The following PHKG1 variants were observed in gnomAD, a reference collection of about 807,000 sequenced individuals.
PHKG1 encodes phosphorylase b kinase gamma catalytic chain, skeletal muscle/heart isoform.
Under a neutral mutation model 50.5 loss-of-function variants are expected in PHKG1, and 48 were observed. That is an observed-to-expected ratio of 0.95 (90% CI 0.75 to 1.21). The LOEUF is 1.21. Among genes scored for constraint, PHKG1 ranks in the 50% most tolerant of loss-of-function variants. PHKG1 has a pLI of 0.00. For synonymous variants in PHKG1, 204 were observed against 212.8 expected, an observed-to-expected ratio of 0.96 and a Z score of 0.36; for missense variants, 487 against 519.5, an observed-to-expected ratio of 0.94 and a Z score of 0.61.
Position 56,081,087 on chromosome 7 carries a change from G to A in PHKG1, c.1131C>T (p.Ala377=), listed in dbSNP as rs369367841. Residue 377 remains alanine (A), a synonymous_variant, in exon 10 of 10, where the codon GCC becomes GCT. Transcript: ENST00000297373. The surrounding 1 kb of genome is among the most constrained non-coding windows in gnomAD (Gnocchi z 4.6). ...RAALFENTPK[A]VLLSLAEEDY is the part of the protein sequence containing the mutation. ...CCTCCTCGGCCAGGGAGAGGAGCAC[G>A]GCCTTGGGTGTGTTCTCGAAAAGGG... The A allele has an allele frequency of 2.4e-5, 39 of 1,612,846 alleles. No homozygotes were observed. The highest frequency in any genetic ancestry group is 1.9e-4 in the African/African-American group (14 of 74,894).
At position 56,081,169 on chromosome 7, in the gene PHKG1, T is replaced by C. The variant is rs778344494; in HGVS notation, c.1049A>G (p.Tyr350Cys). ...LRPLRRLIDAYAFRIYGHWVK... is the reference protein window; with the variant it reads ...LRPLRRLIDACAFRIYGHWVK... ...CCAGTGGCCATAGATTCGGAAAGCG[T>C]AGGCGTCGATGAGCCGGCGCAGAGG... The change falls in exon 10 of 10, where the codon TAC becomes TGC. Residue 350 changes from tyrosine (Y) to cysteine (C), a missense_variant. By Grantham distance (194) the Tyr-to-Cys change is radical. Transcript: ENST00000297373. This position sits in a 1 kb window ranked among gnomAD's most constrained non-coding sequence, Gnocchi z 4.6. 6.2e-7 allele frequency: 1 copy of C among 1,613,750 alleles called. No individual in the cohort carries two copies. Among genetic ancestry groups the C allele is most frequent in the East Asian group, 2.2e-5 (1 of 44,866 alleles).
chr7:56,084,014 C>T (rs965100006), intron 4 of PHKG1: 1 of 624,020 alleles, frequency 1.6e-6, no homozygotes, highest in African/African-American at 1.8e-5. Context: ...AAAATTTTTC[C>T]CACCATTTCA....
chr7:56,081,581 G>A lies in PHKG1; in HGVS notation c.918+49C>T. 3.7e-6 allele frequency: 6 copies of A among 1,603,338 alleles called. No individual in the cohort carries two copies. The highest frequency in any genetic ancestry group is 5.1e-6 in the Non-Finnish European group (6 of 1,173,244). On this transcript the variant is annotated intron_variant, in intron 9 of 9. Coordinates refer to ENST00000297373, the MANE Select transcript of PHKG1 (RefSeq NM_006213.5). The surrounding 1 kb of genome is among the most constrained non-coding windows in gnomAD (Gnocchi z 4.6). The stretch of plus-strand genomic sequence containing the variant: ...GACTCCTGGGAGAGGAGGGGGCTTA[G>A]AGGTTTGCACTTAGGGAGCTGGCGG...
intron 2 of PHKG1, among the ~76,000 whole-genome samples, chr7:56,088,034 C>CTTTTTTT (rs34445347): frequency 1.3e-5 from 1 of 77,900 alleles, no homozygotes; most frequent in Admixed American, 1.9e-4. Flanking sequence ...CCGTTCAGTG[C>CTTTTTTT]TTTTTTTTTT....
In PHKG1 at chr7:56,080,742, T is replaced by TC; in HGVS notation, c.*311dup. 2.5e-6 allele frequency: 1 copy of TC among 397,316 alleles called. No individual in the cohort carries two copies. Among genetic ancestry groups the TC allele is most frequent in the Non-Finnish European group, 4.7e-6 (1 of 214,346 alleles). The allele number at this position is 397,316 out of a possible 1,614,324, so 24.6% of individuals were successfully genotyped here. On this transcript the variant is annotated 3_prime_UTR_variant, in exon 10 of 10. Coordinates refer to ENST00000297373, the MANE Select transcript of PHKG1 (RefSeq NM_006213.5). ...GCCTGAGTGTCAGTAACTCTGGGCC[T>TC]CCCCTAAAGAGAAATGGAGATGGTG...
rs1158774352 is a variant in PHKG1 at position 56,092,946 on chromosome 7, A to G, written c.-145T>C. 6.6e-6 allele frequency: 1 copy of G among 152,258 alleles called. No homozygotes were observed. The highest frequency in any genetic ancestry group is 1.5e-5 in the Non-Finnish European group (1 of 68,054). 9.4% of individuals were successfully genotyped at this position (152,258 alleles called of 1,614,324 possible). On this transcript the variant is annotated 5_prime_UTR_variant, in exon 1 of 10. Coordinates refer to ENST00000297373, the MANE Select transcript of PHKG1 (RefSeq NM_006213.5). ...TGTCCCGAGCAGACACTTGGAAGAT[A>G]TCATCTGCTGTTGTTTTGGGTTTTG...
At chr7:56,082,976 C>T (rs371292874) in intron 6 of PHKG1, among the ~76,000 whole-genome samples, 1 of 151,792 alleles carries the variant, frequency 6.6e-6, no homozygotes, top group East Asian at 1.9e-4. Flanking sequence ...CGTTGTGGCG[C>T]GTGCCTGCAA....
chr7:56,084,265 A>G, intron 4 of PHKG1: 1 of 1,397,958 alleles, frequency 7.2e-7, no homozygotes, highest in East Asian at 2.5e-5. Flanking sequence ...GACAGTGTGG[A>G]CTGGGATGTA....
In PHKG1 at chr7:56,081,305, G is replaced by A. The variant is rs1443641862; in HGVS notation, c.919-6C>T. The A allele has an allele frequency of 1.4e-5, 22 of 1,602,880 alleles. No individual in the cohort carries two copies. Among genetic ancestry groups the A allele is most frequent in the South Asian group, 7.7e-5 (7 of 90,780 alleles). On this transcript the variant is annotated splice_polypyrimidine_tract_variant and splice_region_variant and intron_variant, in intron 9 of 9. Transcript: ENST00000297373. The surrounding 1 kb of genome is among the most constrained non-coding windows in gnomAD (Gnocchi z 4.6). ...AGCACGGTCAGAGCGATCACCTGCA[G>A]GGCCAGGCGGAGAAGCTGGGCTGCA...
intron 4 of PHKG1, among the ~76,000 whole-genome samples, chr7:56,084,918 G>T (rs1038148895): frequency 1.3e-5 from 2 of 152,088 alleles, no homozygotes; most frequent in African/African-American, 4.8e-5. Flanking sequence ...GTCCCCAAGG[G>T]CTATACAGGA....
intron 4 of PHKG1, chr7:56,084,361 A>T: frequency 3.9e-6 from 2 of 513,456 alleles, no homozygotes; most frequent in African/African-American, 2.1e-5. Flanking sequence ...GAAGGACGTG[A>T]GTATCCCGAT....
At position 56,080,944 on chromosome 7, in the gene PHKG1, G is replaced by T. The variant is rs1163244925; in HGVS notation, c.*110C>A. The T allele has an allele frequency of 7.5e-6, 10 of 1,328,484 alleles. No individual in the cohort carries two copies. The South Asian group carries it at 1.3e-4, about 17-fold the overall frequency. 82.3% of individuals were successfully genotyped at this position (1,328,484 alleles called of 1,614,324 possible). On this transcript the variant is annotated 3_prime_UTR_variant, in exon 10 of 10. Transcript: ENST00000297373. ...CTCAGTTCCAGGGGTTCCTGGCCAG[G>T]GCCAAGTGCTCCTTCTGCAGAGGCC...
At position 56,081,332 on chromosome 7, in the gene PHKG1, C is replaced by G; in HGVS notation, c.919-33G>C. ...GCCAGGCGGAGAAGCTGGGCTGCAG[C>G]CCCCGCCCTGCCAGGCCCTGCCCCT... On this transcript the variant is annotated intron_variant, in intron 9 of 9. Coordinates refer to ENST00000297373, the MANE Select transcript of PHKG1 (RefSeq NM_006213.5). This position sits in a 1 kb window ranked among gnomAD's most constrained non-coding sequence, Gnocchi z 4.6. 5.1e-6 allele frequency: 8 copies of G among 1,577,780 alleles called. No individual in the cohort carries two copies. Among genetic ancestry groups the G allele is most frequent in the Non-Finnish European group, 6.8e-6 (8 of 1,168,308 alleles).
At chr7:56,087,194 T>TTCA (rs1554371197) in intron 3 of PHKG1, among the ~76,000 whole-genome samples, 170 bp from the exon 4 acceptor site, 1 of 136,086 alleles carries the variant, frequency 7.3e-6, no homozygotes, top group Admixed American at 7.6e-5. Context: ...GCCCAGGGAC[T>TTCA]TTATTATTAT....
intron 1 of PHKG1, among the ~76,000 whole-genome samples, chr7:56,089,539 G>T (rs904320831): frequency 2.0e-5 from 3 of 151,684 alleles, no homozygotes; most frequent in Non-Finnish European, 4.4e-5. Flanking sequence ...CTCCTGAGTA[G>T]CTAGGACTAA....
intron 1 of PHKG1, among the ~76,000 whole-genome samples, chr7:56,090,806 T>C (rs1323772067): frequency 6.6e-6 from 1 of 152,092 alleles, no homozygotes; most frequent in Non-Finnish European, 1.5e-5. Flanking sequence ...TGCTGCAGGA[T>C]AGAGGCAGTA....
At position 56,081,749 on chromosome 7, in the gene PHKG1, G is replaced by A. The variant is rs765029179; in HGVS notation, c.799C>T (p.Arg267Ter). 18 of 1,613,330 alleles carry A rather than the reference G, an allele frequency of 1.1e-5. No homozygotes were observed. Among genetic ancestry groups the A allele is most frequent in the South Asian group, 4.4e-5 (4 of 91,068 alleles). ...TTCTGGGGTTGCACCACCAGGAATC[G>A]GGAGACCTGTGAGAGGAGGAGAGGG... ...YSDTVKDLVS[R>*]FLVVQPQNRY... Residue 267 changes from arginine to a stop codon, truncating the protein, a stop_gained, in exon 9 of 10, where the codon CGA (arginine) becomes TGA (stop). Coordinates refer to ENST00000297373, the MANE Select transcript of PHKG1 (RefSeq NM_006213.5). LOFTEE classifies it high-confidence loss of function. The surrounding 1 kb of genome is among the most constrained non-coding windows in gnomAD (Gnocchi z 4.6).
intron 2 of PHKG1, among the ~76,000 whole-genome samples, chr7:56,088,222 A>T (rs1264996802): frequency 1.3e-5 from 2 of 151,504 alleles, no homozygotes; most frequent in South Asian, 4.2e-4. Flanking sequence ...TTTACTGGAG[A>T]TGGGGTTTCA....
chr7:56,091,795 CAGA>C (rs1796500933), intron 1 of PHKG1, among the ~76,000 whole-genome samples: 1 of 152,216 alleles, frequency 6.6e-6, no homozygotes, highest in Non-Finnish European at 1.5e-5. Flanking sequence ...GCCTGGTTAC[CAGA>C]AGAAGGTTTA....
Sources: gnomAD v4.1 joint callset for allele counts (sites outside exome capture counted in the v4.1 genomes callset) on GRCh38, gnomAD v4.1.1 for gene constraint, Gnocchi (gnomAD v3.1) non-coding constraint, MANE v1.5 for transcripts, NCBI Gene and HGNC (gene_info 2026-07-23, HGNC 2026-07-21) for gene names.